ATP11B: variants seen among roughly 807,000 people sequenced by gnomAD.
The protein encoded by ATP11B is ATPase phospholipid transporting 11B (putative).
Under a neutral mutation model 157.8 loss-of-function variants are expected in ATP11B, and 81 were observed. The ratio of observed to expected loss-of-function variants is 0.51; its 90% CI spans 0.43 to 0.62. The LOEUF is 0.62. Among genes scored for constraint, ATP11B ranks in the 20% least tolerant of loss-of-function variants. The pLI is 0.00. For synonymous variants in ATP11B, 451 were observed against 469.4 expected (o/e 0.96, Z 0.51); for missense variants, 1,165 against 1,402.2 (o/e 0.83, Z 2.70).
chr3:182,899,228 T>C (rs1394754872), intron 28 of ATP11B, among the ~76,000 whole-genome samples: 1 of 150,206 alleles, frequency 6.7e-6, no homozygotes, highest in Non-Finnish European at 1.5e-5. Flanking sequence ...CGATCTTGGA[T>C]CACTGCAAAC....
chr3:182,850,617 C>G (rs1385009269), intron 10 of ATP11B, among the ~76,000 whole-genome samples: 1 of 151,798 alleles, frequency 6.6e-6, no homozygotes, highest in African/African-American at 2.4e-5. Context: ...GAAAAGAAAA[C>G]TCTTATACGT....
At position 182,865,431 on chromosome 3, in the gene ATP11B, T is replaced by G. The variant is rs371037603; in HGVS notation, c.1201-25T>G. 1.0e-5 allele frequency: 16 copies of G among 1,604,246 alleles called. No individual in the cohort carries two copies. The Admixed American group carries it at 1.5e-4, about 15-fold the overall frequency. On this transcript the variant is annotated intron_variant, in intron 12 of 29. Transcript: ENST00000323116. ...TAGGACCATGAACACAAAGGTTTAT[T>G]TTCTTTTGTTTTCTATCTCTATAGG...
At chr3:182,855,984 C>CA (rs2108530157) in intron 10 of ATP11B, among the ~76,000 whole-genome samples, 1 of 152,180 alleles carries the variant, frequency 6.6e-6, no homozygotes, top group African/African-American at 2.4e-5. Context: ...GAGTTTCTTA[C>CA]AAAACTAAAC....
intron 19 of ATP11B, among the ~76,000 whole-genome samples, chr3:182,874,344 T>C (rs542816203): frequency 6.6e-6 from 1 of 152,342 alleles, no homozygotes; most frequent in East Asian, 1.9e-4. Flanking sequence ...TCTTCAGCTT[T>C]ACACTGCTGT....
intron 4 of ATP11B, among the ~76,000 whole-genome samples, chr3:182,831,576 A>ATT (rs11435937): frequency 0.036 from 5,339 of 149,114 alleles, 153 homozygotes; most frequent in Admixed American, 0.054. Flanking sequence ...ATTTCCTACC[A>ATT]TTTTTTTTTT....
chr3:182,829,208 C>T (rs1717945159), intron 3 of ATP11B, among the ~76,000 whole-genome samples: 1 of 152,100 alleles, frequency 6.6e-6, no homozygotes, highest in Admixed American at 6.6e-5. Context: ...TGGGCCTATC[C>T]GGAGTAAAGG....
intron 1 of ATP11B, among the ~76,000 whole-genome samples, chr3:182,809,924 G>A (rs1026744356): frequency 6.6e-6 from 1 of 152,114 alleles, no homozygotes; most frequent in Non-Finnish European, 1.5e-5. Context: ...TTAAAAAATC[G>A]AATACAGGAA....
chr3:182,821,381 A>G (rs937868825), intron 2 of ATP11B, among the ~76,000 whole-genome samples: 2 of 152,164 alleles, frequency 1.3e-5, no homozygotes, highest in Non-Finnish European at 2.9e-5. Context: ...TGCTGGGATT[A>G]CAGGTATGAG....
chr3:182,807,518 A>C (rs1252049890), intron 1 of ATP11B, among the ~76,000 whole-genome samples: 1 of 152,224 alleles, frequency 6.6e-6, no homozygotes, highest in Non-Finnish European at 1.5e-5. Context: ...ATTATTTTTT[A>C]GAGTTTTCAA....
intron 22 of ATP11B, among the ~76,000 whole-genome samples, chr3:182,885,162 A>G (rs1722714826): frequency 6.6e-6 from 1 of 152,144 alleles, no homozygotes; most frequent in Admixed American, 6.5e-5. Context: ...TAACACCAAT[A>G]TAATGGTTTT....
intron 24 of ATP11B, 25 bp downstream of exon 24, chr3:182,887,738 G>A (rs1375839061): frequency 1.3e-6 from 2 of 1,590,458 alleles, no homozygotes; most frequent in Admixed American, 1.8e-5. Context: ...GTATTAAATG[G>A]CCTTATCAGT....
chr3:182,845,471 G>T lies in ATP11B; in HGVS notation c.718G>T (p.Glu240Ter). The change falls in exon 9 of 30, where the codon GAG becomes TAG. Residue 240 changes from glutamate (E) to a stop codon, truncating the protein, a stop_gained. Transcript: ENST00000323116. LOFTEE classifies it high-confidence loss of function. ...TTTTTTTCCTAGACCTCTGGGGCCG[G>T]AGAGTCTCCTGCTTCGTGGAGCCAG... ...MEEIVRPLGP[E>*]SLLLRGARLK... 6.3e-7 allele frequency: 1 copy of T among 1,599,856 alleles called. No individual in the cohort carries two copies. Among genetic ancestry groups the T allele is most frequent in the Non-Finnish European group, 8.5e-7 (1 of 1,176,768 alleles).
intron 12 of ATP11B, among the ~76,000 whole-genome samples, chr3:182,861,620 T>C (rs1282354123): frequency 6.6e-6 from 1 of 152,198 alleles, no homozygotes; most frequent in East Asian, 1.9e-4. Context: ...CTGAGATAGC[T>C]AGTAACTGAG....
chr3:182,798,259 A>C (rs569342080), intron 1 of ATP11B, among the ~76,000 whole-genome samples: 1 of 152,324 alleles, frequency 6.6e-6, no homozygotes, highest in Non-Finnish European at 1.5e-5. Context: ...TATTCCTTAC[A>C]CTCAAGACAG....
At chr3:182,871,965 G>C (rs1019649032) in intron 17 of ATP11B, among the ~76,000 whole-genome samples, 1 of 152,000 alleles carries the variant, frequency 6.6e-6, no homozygotes, top group South Asian at 2.1e-4. Context: ...ACAGGTGCCC[G>C]CCACTATGCC....
chr3:182,852,052 A>G (rs902284057), intron 10 of ATP11B, among the ~76,000 whole-genome samples: 5 of 152,260 alleles, frequency 3.3e-5, no homozygotes, highest in Non-Finnish European at 5.9e-5. Context: ...CATAAAACCA[A>G]TCCCAAAAGA....
rs1378552125 is a variant in ATP11B, at chr3:182,866,452, G to A, written c.1619+9G>A. 3.2e-6 allele frequency: 5 copies of A among 1,570,808 alleles called. No individual in the cohort carries two copies. Among genetic ancestry groups the A allele is most frequent in the Non-Finnish European group, 4.3e-6 (5 of 1,153,482 alleles). ...GTAGAAGCTGCTGCAAGGTAATTTA[G>A]TCTGATTTCCAAATCTTCGGAAAAA... On this transcript the variant is annotated intron_variant, in intron 14 of 29. Transcript: ENST00000323116.
intron 23 of ATP11B, among the ~76,000 whole-genome samples, chr3:182,887,113 GTTAAGGAC>G (rs1722846590): frequency 6.6e-6 from 1 of 152,162 alleles, no homozygotes; most frequent in Non-Finnish European, 1.5e-5. Context: ...GCAAGATATC[GTTAAGGAC>G]TTAAGCCATT....
At chr3:182,809,702 T>C (rs1716536739) in intron 1 of ATP11B, among the ~76,000 whole-genome samples, 1 of 152,202 alleles carries the variant, frequency 6.6e-6, no homozygotes, top group South Asian at 2.1e-4. Flanking sequence ...TCCATGCTAG[T>C]TGTCTCACAT....
Sources: gnomAD v4.1 joint callset for allele counts (sites outside exome capture counted in the v4.1 genomes callset) on GRCh38, gnomAD v4.1.1 for gene constraint, MANE v1.5 for transcripts, NCBI Gene and HGNC (gene_info 2026-07-23, HGNC 2026-07-21) for gene names.